TMEM132B: variants seen among roughly 807,000 people sequenced by gnomAD.
TMEM132B encodes transmembrane protein 132B.
A neutral mutation model predicts 90.8 loss-of-function variants in TMEM132B; 18 were observed. That is an observed-to-expected ratio of 0.20 (90% confidence interval 0.14 to 0.29). TMEM132B has a LOEUF of 0.29. Ranked by LOEUF, TMEM132B falls within the 10% of genes least tolerant of loss-of-function variation. The pLI is 1.00. For synonymous variants in TMEM132B, 504 were observed against 523.3 expected (o/e 0.96, Z 0.50); for missense variants, 1,096 against 1,326.8 (o/e 0.83, Z 2.70).
intron 5 of TMEM132B, among the ~76,000 whole-genome samples, chr12:125,596,698 C>T (rs1248153073): frequency 6.6e-6 from 1 of 152,126 alleles, no homozygotes; most frequent in East Asian, 1.9e-4. Flanking sequence ...CTTTTGATGC[C>T]CTGAACTACT....
At chr12:125,442,900 C>G (rs1217286610) in intron 3 of TMEM132B, among the ~76,000 whole-genome samples, 1 of 152,148 alleles carries the variant, frequency 6.6e-6, no homozygotes, top group Non-Finnish European at 1.5e-5. Flanking sequence ...CAGGGTTGCC[C>G]CTGGTCGCTA....
At chr12:125,622,755 G>A (rs1886142030) in intron 5 of TMEM132B, 5 of 714,542 alleles carry the variant, frequency 7.0e-6, no homozygotes, top group African/African-American at 1.9e-5. Flanking sequence ...TGGTGGGGAG[G>A]ACATCATTTG....
chr12:125,318,676 A>G (rs536283073), intron 1 of TMEM132B, among the ~76,000 whole-genome samples: 1 of 152,242 alleles, frequency 6.6e-6, no homozygotes, highest in South Asian at 2.1e-4. Flanking sequence ...CTCCATCCAT[A>G]TCCCTGCAAA....
intron 3 of TMEM132B, among the ~76,000 whole-genome samples, chr12:125,467,751 A>G (rs1030020777): frequency 2.6e-5 from 4 of 152,228 alleles, no homozygotes; most frequent in African/African-American, 9.6e-5. Flanking sequence ...TCCAGTAAGT[A>G]ATCATTCCCC....
intron 3 of TMEM132B, among the ~76,000 whole-genome samples, chr12:125,468,845 T>G (rs1018246708): frequency 3.9e-5 from 6 of 152,256 alleles, no homozygotes; most frequent in Non-Finnish European, 8.8e-5. Context: ...AGTATTTTAT[T>G]ATTTTGGATT....
chr12:125,281,952 C>T (rs1341835839), intron 1 of TMEM132B, among the ~76,000 whole-genome samples: 10 of 136,530 alleles, frequency 7.3e-5, no homozygotes, highest in South Asian at 2.5e-4. Flanking sequence ...GGCGTGAACC[C>T]GGGAGGCGGA....
At chr12:125,487,290 G>A (rs1014454439) in intron 3 of TMEM132B, among the ~76,000 whole-genome samples, 24 of 152,316 alleles carry the variant, frequency 1.6e-4, no homozygotes, top group African/African-American at 5.3e-4. Flanking sequence ...ATAACACAGT[G>A]TGGCTTGTCA....
rs149926082 is a variant in TMEM132B at position 125,246,231 on chromosome 12, T to C, written c.67+59365T>C. Among the ~76,000 whole-genome samples the C allele has an allele frequency of 5.1e-3, 779 of 152,314 alleles. 3 individuals are homozygous for C. The highest frequency in any genetic ancestry group is 0.027 in the Middle Eastern group (8 of 294). On this transcript the variant is annotated intron_variant, in intron 1 of 8. Coordinates refer to ENST00000682704, the MANE Select transcript of TMEM132B (RefSeq NM_001366854.1). This position sits in a 1 kb window ranked among gnomAD's most constrained non-coding sequence, Gnocchi z 4.2. Reference sequence around the variant, plus strand: ...GGAGAATGTCAAGCCTGTTAGATCATAAAAACCAGCATTGCTGTCAGTGTG... The same window carrying C: ...GGAGAATGTCAAGCCTGTTAGATCACAAAAACCAGCATTGCTGTCAGTGTG...
At chr12:125,220,452 C>T (rs1030896188) in intron 1 of TMEM132B, among the ~76,000 whole-genome samples, 2 of 152,194 alleles carry the variant, frequency 1.3e-5, no homozygotes, top group Admixed American at 1.3e-4. Flanking sequence ...GAGGCTCAGC[C>T]GCTGCTTAAA....
intron 5 of TMEM132B, among the ~76,000 whole-genome samples, chr12:125,640,172 T>C (rs1185636612): frequency 2.0e-5 from 3 of 152,202 alleles, no homozygotes; most frequent in Admixed American, 2.0e-4. Flanking sequence ...CCAGTAGCCT[T>C]CTCACAGCTC....
chr12:125,526,109 C>T lies in TMEM132B; in HGVS notation c.1293+6484C>T, dbSNP rs141085725. On this transcript the variant is annotated intron_variant, in intron 4 of 8. Transcript: ENST00000682704. ...GAGACAGGGTGGGAGGCTGTGTCCT[C>T]GCCAGTGTCACAGGCTGCCCAGCTA... Among the ~76,000 whole-genome samples, 926 of 152,278 alleles carry T rather than the reference C, an allele frequency of 6.1e-3. 26 individuals are homozygous for T. The highest frequency in any genetic ancestry group is 0.045 in the Admixed American group (690 of 15,292).
intron 5 of TMEM132B, among the ~76,000 whole-genome samples, chr12:125,629,557 C>T (rs1886309588): frequency 6.6e-6 from 1 of 152,002 alleles, no homozygotes; most frequent in South Asian, 2.1e-4. Context: ...TTAAGTTTTT[C>T]CAAATATAAG....
At chr12:125,194,268 T>TGTG (rs1555231220) in intron 1 of TMEM132B, among the ~76,000 whole-genome samples, 13 of 149,512 alleles carry the variant, frequency 8.7e-5, no homozygotes, top group Non-Finnish European at 1.8e-4. Context: ...ATTAACCCGT[T>TGTG]GGTGGGGGGG....
At position 125,660,455 on chromosome 12, in the gene TMEM132B, T is replaced by C. The variant is rs1887183712; in HGVS notation, c.*5745T>C. 1 of 152,226 alleles carries C rather than the reference T, an allele frequency of 6.6e-6. No individual in the cohort carries two copies. Among genetic ancestry groups the C allele is most frequent in the South Asian group, 2.1e-4 (1 of 4,832 alleles). The allele number at this position is 152,226 out of a possible 1,614,324, so 9.4% of individuals were successfully genotyped here. On this transcript the variant is annotated 3_prime_UTR_variant, in exon 9 of 9. Coordinates refer to ENST00000682704, the MANE Select transcript of TMEM132B (RefSeq NM_001366854.1). The stretch of plus-strand genomic sequence containing the variant: ...ACACGGCATTTGAAATTTTTTGGTA[T>C]TGAAATCCTTAATGCCTGTTAGTTT...
At chr12:125,241,618 G>A (rs1022052673) in intron 1 of TMEM132B, among the ~76,000 whole-genome samples, 2 of 152,150 alleles carry the variant, frequency 1.3e-5, no homozygotes, top group African/African-American at 4.8e-5. Context: ...TTCAGAGGAA[G>A]CATGGTTCCG....
intron 2 of TMEM132B, among the ~76,000 whole-genome samples, chr12:125,381,781 G>A (rs1465255950): frequency 1.3e-5 from 2 of 152,178 alleles, no homozygotes; most frequent in East Asian, 1.9e-4. Context: ...ACTGAATGGG[G>A]GCAGAGATCA....
At chr12:125,371,289 T>C (rs941046739) in intron 2 of TMEM132B, among the ~76,000 whole-genome samples, 1 of 152,172 alleles carries the variant, frequency 6.6e-6, no homozygotes, top group African/African-American at 2.4e-5. Context: ...TAATCTCTTC[T>C]AGCAACACCC....
intron 4 of TMEM132B, among the ~76,000 whole-genome samples, chr12:125,572,903 T>G (rs1035907187): frequency 3.9e-5 from 6 of 152,248 alleles, no homozygotes; most frequent in African/African-American, 1.2e-4. Context: ...TTCTACAGAT[T>G]ATAATTGACT....
chr12:125,640,343 C>T (rs867644815), intron 5 of TMEM132B, among the ~76,000 whole-genome samples: 2 of 152,106 alleles, frequency 1.3e-5, no homozygotes, highest in African/African-American at 2.4e-5. Context: ...GTATGTGTGT[C>T]GGGCAGAGGT....
Sources: allele counts gnomAD v4.1 joint callset (sites outside exome capture counted in the v4.1 genomes callset), GRCh38; gene constraint gnomAD v4.1.1; non-coding constraint Gnocchi (gnomAD v3.1); transcripts MANE v1.5; gene names NCBI Gene and HGNC (gene_info 2026-07-23, HGNC 2026-07-21).